The following ARHGEF18 variants were observed in gnomAD, a reference collection of about 807,000 sequenced individuals.
ARHGEF18 encodes Rho/Rac guanine nucleotide exchange factor 18, also known as rho guanine nucleotide exchange factor 18.
A neutral mutation model predicts 155.7 loss-of-function variants in ARHGEF18; 93 were observed. The ratio of observed to expected loss-of-function variants is 0.60; its 90% confidence interval spans 0.50 to 0.71. The LOEUF (loss-of-function observed/expected upper bound fraction) is 0.71, where lower values mean the gene tolerates loss of function less well. Ranked by LOEUF, ARHGEF18 falls within the 30% of genes least tolerant of loss-of-function variation. ARHGEF18 has a pLI of 0.00. For synonymous variants in ARHGEF18, 742 were observed against 753.1 expected, an observed-to-expected ratio of 0.99 and a Z score of 0.24; for missense variants, 1,593 against 1,816.1, an observed-to-expected ratio of 0.88 and a Z score of 2.23.
chr19:7,356,784 C>T (rs1969325678), intron 1 of ARHGEF18, among the ~76,000 whole-genome samples: 1 of 152,192 alleles, frequency 6.6e-6, no homozygotes, highest in South Asian at 2.1e-4. Context: ...GCCTGCATGA[C>T]TTGTTAGTCA....
At chr19:7,435,584 G>A (rs112795008) in intron 10 of ARHGEF18, among the ~76,000 whole-genome samples, 28 of 152,250 alleles carry the variant, frequency 1.8e-4, no homozygotes, top group African/African-American at 6.3e-4. Context: ...CCATAAAGGA[G>A]GCAACTGGGG....
At chr19:7,453,358 T>C (rs955653487) in intron 16 of ARHGEF18, 109 bp from the exon 17 acceptor site, 3 of 1,351,424 alleles carry the variant, frequency 2.2e-6, no homozygotes. Flanking sequence ...CGCCCATACA[T>C]AGTGTGTCCA....
Position 7,456,328 on chromosome 19 carries a change from TA to T in ARHGEF18, c.2107del (p.Ile703SerfsTer6). 1 of 1,614,136 alleles carries T rather than the reference TA, an allele frequency of 6.2e-7. No homozygotes were observed. The highest frequency in any genetic ancestry group is 8.5e-7 in the Non-Finnish European group (1 of 1,179,976). ...CATCCTTCCATGCTGTTTTCCCAGA[TA>T]TCCTGGCTATCCTGCTGACCGACGT... ...WKTTSGRLKD[I>X]LAILLTDVLL... is the part of the protein sequence containing the mutation. On this transcript the variant is annotated frameshift_variant and splice_region_variant, in exon 18 of 29. Coordinates refer to ENST00000668164, the MANE Select transcript of ARHGEF18 (RefSeq NM_001367823.1). LOFTEE classifies it high-confidence loss of function.
chr19:7,447,533 A>C (rs1319952289), intron 15 of ARHGEF18, among the ~76,000 whole-genome samples: 34 of 152,132 alleles, frequency 2.2e-4, no homozygotes, highest in Admixed American at 2.2e-3. Flanking sequence ...CAAAAAAAAA[A>C]ACTTACATTC....
At position 7,458,930 on chromosome 19, in the gene ARHGEF18, C is replaced by T. The variant is rs78799901; in HGVS notation, c.2360+240C>T. Among the ~76,000 whole-genome samples, 1,749 of 152,304 alleles carry T rather than the reference C, an allele frequency of 0.011. 32 individuals are homozygous for T. Among genetic ancestry groups the T allele is most frequent in the African/African-American group, 0.032 (1,323 of 41,568 alleles). On this transcript the variant is annotated intron_variant, in intron 19 of 28. Coordinates refer to ENST00000668164, the MANE Select transcript of ARHGEF18 (RefSeq NM_001367823.1). ...GCGTGGGCCACTGCACCTGCCATGG[C>T]GGGCTCTCTGCATTCTAGGGCCAGA...
chr19:7,467,845 C>G (rs915432331), intron 26 of ARHGEF18, among the ~76,000 whole-genome samples, 161 bp downstream of exon 26: 1 of 152,212 alleles, frequency 6.6e-6, no homozygotes, highest in Non-Finnish European at 1.5e-5. Flanking sequence ...TGCCGCAGTA[C>G]AGACCTTTCT....
chr19:7,356,889 C>T (rs1969329159), intron 1 of ARHGEF18, among the ~76,000 whole-genome samples: 1 of 152,200 alleles, frequency 6.6e-6, no homozygotes, highest in African/African-American at 2.4e-5. Flanking sequence ...TTAGCTCATT[C>T]ATTCCACTGA....
intron 10 of ARHGEF18, among the ~76,000 whole-genome samples, chr19:7,385,823 A>ATCTCTCTCTCTCTCTCTCTCTCTCTCTC (rs1288367668): frequency 2.7e-5 from 2 of 73,782 alleles, no homozygotes; most frequent in African/African-American, 1.3e-4. Context: ...GATAGGATCT[A>ATCTCTCTCTCTCTCTCTCTCTCTCTCTC]TCTCTCTCTA....
At position 7,463,377 on chromosome 19, in the gene ARHGEF18, G is replaced by T. The variant is rs1208171641; in HGVS notation, c.2636-441G>T. On this transcript the variant is annotated intron_variant, in intron 21 of 28. Coordinates refer to ENST00000668164, the MANE Select transcript of ARHGEF18 (RefSeq NM_001367823.1). This position sits in a 1 kb window ranked among gnomAD's most constrained non-coding sequence, Gnocchi z 5.2. ...GGCCACAGCCTGTTGGTCCTAGAGG[G>T]CTTTCTGTAGACAGCCCTTCCCCAC... Among the ~76,000 whole-genome samples the T allele has an allele frequency of 6.6e-6, 1 of 152,178 alleles. No individual in the cohort carries two copies. Among genetic ancestry groups the T allele is most frequent in the Non-Finnish European group, 1.5e-5 (1 of 68,022 alleles).
At chr19:7,385,945 CCTCT>C (rs1380908653) in intron 10 of ARHGEF18, among the ~76,000 whole-genome samples, 6 of 66,932 alleles carry the variant, frequency 9.0e-5, no homozygotes, top group African/African-American at 2.6e-4. Context: ...TCCCCCTCTC[CCTCT>C]CTCTCTCTCC....
chr19:7,427,865 G>A (rs779675335), intron 10 of ARHGEF18, among the ~76,000 whole-genome samples: 14 of 151,936 alleles, frequency 9.2e-5, no homozygotes, highest in African/African-American at 2.7e-4. Context: ...AGAATTGGTC[G>A]AATCTGGGAG....
At position 7,470,071 on chromosome 19, in the gene ARHGEF18, C is replaced by G; in HGVS notation, c.3913+42C>G. Reference sequence around the variant, plus strand: ...TGACATGAGCCCAGTCCCAGGGCAGCGGGGCTGCGGCACCACCCGGCGACT... The same window carrying G: ...TGACATGAGCCCAGTCCCAGGGCAGGGGGGCTGCGGCACCACCCGGCGACT... On this transcript the variant is annotated intron_variant, in intron 28 of 28. Coordinates refer to ENST00000668164, the MANE Select transcript of ARHGEF18 (RefSeq NM_001367823.1). The surrounding 1 kb of genome is among the most constrained non-coding windows in gnomAD (Gnocchi z 5.9). 1 of 1,611,048 alleles carries G rather than the reference C, an allele frequency of 6.2e-7. No individual in the cohort carries two copies. Among genetic ancestry groups the G allele is most frequent in the Non-Finnish European group, 8.5e-7 (1 of 1,178,964 alleles).
rs1339440825 is a variant in ARHGEF18, at chr19:7,451,244, G to A, written c.1833G>A (p.Glu611=). The A allele has an allele frequency of 6.2e-7, 1 of 1,610,670 alleles. No homozygotes were observed. Among genetic ancestry groups the A allele is most frequent in the Admixed American group, 1.7e-5 (1 of 59,566 alleles). The change falls in exon 16 of 29, where the codon GAG becomes GAA. Residue 611 remains glutamate (E), a synonymous_variant. Transcript: ENST00000668164. The stretch of plus-strand genomic sequence containing the variant: ...TAACCAAATACCCAGTGCTGGTGGA[G>A]CGCATCATCCAGAACACGGAAGGTA... ...QRITKYPVLV[E]RIIQNTEAGT...
At chr19:7,398,112 G>A (rs564201287) in intron 10 of ARHGEF18, among the ~76,000 whole-genome samples, 2 of 152,000 alleles carry the variant, frequency 1.3e-5, no homozygotes, top group Admixed American at 1.3e-4. Flanking sequence ...TCGCTCTGGC[G>A]CCCAGGCTGG....
chr19:7,420,685 G>A (rs1454507003), intron 10 of ARHGEF18, among the ~76,000 whole-genome samples: 8 of 152,240 alleles, frequency 5.3e-5, no homozygotes. Context: ...TGTCGCTCAA[G>A]TGCATAACTT....
chr19:7,446,912 GAA>G, intron 14 of ARHGEF18, 129 bp from the exon 15 acceptor site: 1 of 816,698 alleles, frequency 1.2e-6, no homozygotes, highest in Non-Finnish European at 1.6e-6. Flanking sequence ...AAAAAAAAAA[GAA>G]GAAGAAAGAA....
intron 1 of ARHGEF18, among the ~76,000 whole-genome samples, chr19:7,355,337 A>G (rs11879985): frequency 0.81 from 123,292 of 151,904 alleles, 52,897 homozygotes; most frequent in Non-Finnish European, 0.95. Flanking sequence ...CGAGGGACCC[A>G]GTTTGTACTT....
Position 7,470,285 on chromosome 19 carries a change from T to A in ARHGEF18, c.4073T>A (p.Val1358Asp), listed in dbSNP as rs1016676508. 5.2e-6 allele frequency: 8 copies of A among 1,535,618 alleles called. No homozygotes were observed. Among genetic ancestry groups the A allele is most frequent in the Non-Finnish European group, 7.0e-6 (8 of 1,143,096 alleles). The change falls in exon 29 of 29, where the codon GTC becomes GAC. Residue 1358 changes from valine (V) to aspartate (D), a missense_variant. Coordinates refer to ENST00000668164, the MANE Select transcript of ARHGEF18 (RefSeq NM_001367823.1). This position sits in a 1 kb window ranked among gnomAD's most constrained non-coding sequence, Gnocchi z 5.9. ...AAGGAGGACGCCAGCAAAGAAGACGTCATCTTCTTCTAAAAGGGCCGTGAC... is the reference window on the plus strand; with the variant it reads ...AAGGAGGACGCCAGCAAAGAAGACGACATCTTCTTCTAAAAGGGCCGTGAC... ...SAKEDASKED[V>D]IFF is the part of the protein sequence containing the mutation.
At chr19:7,460,427 C>T (rs1976145518) in intron 20 of ARHGEF18, among the ~76,000 whole-genome samples, 1 of 152,122 alleles carries the variant, frequency 6.6e-6, no homozygotes, top group African/African-American at 2.4e-5. Context: ...CAGCACTCAC[C>T]CTCCCAAGCG....
Sources: gnomAD v4.1 joint callset for allele counts (sites outside exome capture counted in the v4.1 genomes callset) on GRCh38, gnomAD v4.1.1 for gene constraint, Gnocchi (gnomAD v3.1) non-coding constraint, MANE v1.5 for transcripts, NCBI Gene and HGNC (gene_info 2026-07-23, HGNC 2026-07-21) for gene names.